BCR: variants seen among roughly 807,000 people sequenced by gnomAD.
BCR encodes breakpoint cluster region protein.
BCR carries 58 observed loss-of-function variants against 138.6 expected under a neutral mutation model. The observed-to-expected ratio is 0.42, with a 90% CI of 0.34 to 0.52. BCR has a LOEUF of 0.52. Ranked by LOEUF, BCR falls within the 20% of genes least tolerant of loss-of-function variation. The pLI is 0.06. For missense variants in BCR, 1,599 were observed against 1,727.2 expected, an observed-to-expected ratio of 0.93 and a Z score of 1.32; for synonymous variants, 786 against 730.1, an observed-to-expected ratio of 1.08 and a Z score of -1.23.
chr22:23,283,516 C>T (rs147007764), intron 8 of BCR: 220 of 165,510 alleles, frequency 1.3e-3, no homozygotes, highest in South Asian at 6.2e-3. Flanking sequence ...GAGATGGTCC[C>T]TCTACAGAAA....
At chr22:23,227,040 C>T (rs978125333) in intron 1 of BCR, among the ~76,000 whole-genome samples, 2 of 152,094 alleles carry the variant, frequency 1.3e-5, no homozygotes, top group African/African-American at 4.8e-5. Context: ...TTGCTGGGAA[C>T]ACAGTTCACC....
In BCR at chr22:23,273,747, G is replaced by A. The variant is rs532000140; in HGVS notation, c.2088G>A (p.Arg696=). 3.7e-6 allele frequency: 6 copies of A among 1,614,124 alleles called. No individual in the cohort carries two copies. The Admixed American group carries it at 1.0e-4, about 27-fold the overall frequency. ...SSINEEITPR[R]QSMTVKKGEH... is the part of the protein sequence containing the mutation. ...TCAATGAGGAGATCACACCCCGACG[G>A]CAGTCCATGACGGTGAAGAAGGGAG... The change falls in exon 8 of 23, where the codon CGG becomes CGA. Residue 696 remains arginine (R), a synonymous_variant. Coordinates refer to ENST00000305877, the MANE Select transcript of BCR (RefSeq NM_004327.4).
At position 23,273,673 on chromosome 22, in the gene BCR, C is replaced by T. The variant is rs780355830; in HGVS notation, c.2014C>T (p.Pro672Ser). 2.5e-6 allele frequency: 4 copies of T among 1,614,106 alleles called. No individual in the cohort carries two copies. Among genetic ancestry groups the T allele is most frequent in the Non-Finnish European group, 3.4e-6 (4 of 1,180,042 alleles). The change falls in exon 8 of 23, where the codon CCC becomes TCC. Residue 672 changes from proline to serine, a missense_variant. Physicochemically the swap from Pro to Ser is moderately conservative, Grantham distance 74. Transcript: ENST00000305877. Reference protein sequence around the residue: ...KHTPASHPDHPLLQDALRISQ... With the variant: ...KHTPASHPDHSLLQDALRISQ... ...CACTCCTGCCAGCCACCCTGACCAC[C>T]CCTTGCTGCAGGACGCCCTCCGCAT...
intron 1 of BCR, among the ~76,000 whole-genome samples, chr22:23,246,546 A>G (rs2073159214): frequency 6.6e-6 from 1 of 152,170 alleles, no homozygotes; most frequent in East Asian, 1.9e-4. Flanking sequence ...TCAATGCCAC[A>G]TCTTAGAAAT....
At position 23,288,152 on chromosome 22, in the gene BCR, T is replaced by A; in HGVS notation, c.2582T>A (p.Ile861Asn). 6.2e-7 allele frequency: 1 copy of A among 1,613,980 alleles called. No homozygotes were observed. Among genetic ancestry groups the A allele is most frequent in the Non-Finnish European group, 8.5e-7 (1 of 1,179,938 alleles). ...DYERAEWREN[I>N]REQQKKCFRS... is the part of the protein sequence containing the mutation. ...GAGCGTGCAGAGTGGAGGGAGAACA[T>A]CCGGGAGCAGCAGAAGAAGTGTGAG... Residue 861 changes from isoleucine (I) to asparagine (N), a missense_variant, in exon 12 of 23, where the codon ATC becomes AAC. Ile to Asn is a moderately radical substitution (Grantham distance 149). This residue lies in a region of BCR where 590 missense variants were observed against 762.4 expected (regional missense o/e 0.77). Coordinates refer to ENST00000305877, the MANE Select transcript of BCR (RefSeq NM_004327.4).
At position 23,200,120 on chromosome 22, in the gene BCR, CAG is replaced by C. The variant is rs151090116; in HGVS notation, c.1279+17882_1279+17883del. Among the ~76,000 whole-genome samples, 530 of 151,484 alleles carry C rather than the reference CAG, an allele frequency of 3.5e-3. 6 individuals are homozygous for C. The highest frequency in any genetic ancestry group is 0.012 in the African/African-American group (505 of 41,210). On this transcript the variant is annotated intron_variant, in intron 1 of 22. Transcript: ENST00000305877. ...AAAAAAAGCAAGACAAGGCATATGA[CAG>C]GGCATGATACTGACGAGACCTTGGA...
chr22:23,271,636 GGCT>G, intron 6 of BCR, 44 bp downstream of exon 6: 2 of 1,589,850 alleles, frequency 1.3e-6, no homozygotes, highest in Non-Finnish European at 1.7e-6. Flanking sequence ...TCGTCAGGGA[GGCT>G]GCTGCTGGCA....
intron 1 of BCR, chr22:23,199,157 C>A: frequency 5.4e-6 from 2 of 368,356 alleles, no homozygotes; most frequent in South Asian, 2.0e-5. Context: ...CTAACAAATG[C>A]AGGTTGTGAT....
intron 4 of BCR, among the ~76,000 whole-genome samples, chr22:23,266,134 G>T (rs1302362486): frequency 6.6e-6 from 1 of 151,910 alleles, no homozygotes; most frequent in African/African-American, 2.4e-5. Context: ...GCCCAATCTG[G>T]AGTACAGTGG....
intron 1 of BCR, among the ~76,000 whole-genome samples, chr22:23,236,374 C>G (rs1333600815): frequency 6.6e-6 from 1 of 152,198 alleles, no homozygotes; most frequent in Non-Finnish European, 1.5e-5. Flanking sequence ...TGCTGTGTTG[C>G]TGACTTATGA....
chr22:23,242,329 GC>G (rs1394737330), intron 1 of BCR, among the ~76,000 whole-genome samples: 1 of 152,144 alleles, frequency 6.6e-6, no homozygotes, highest in South Asian at 2.1e-4. Flanking sequence ...GCCCACTGCA[GC>G]CCCCGATTCC....
intron 2 of BCR, among the ~76,000 whole-genome samples, chr22:23,260,524 G>A (rs1305354273): frequency 2.6e-5 from 4 of 152,172 alleles, no homozygotes; most frequent in Non-Finnish European, 5.9e-5. Context: ...GGTGAGCAGT[G>A]GGGAGTGGAG....
intron 15 of BCR, among the ~76,000 whole-genome samples, chr22:23,294,523 T>TA (rs1176427518): frequency 1.3e-5 from 2 of 152,214 alleles, no homozygotes; most frequent in East Asian, 3.8e-4. Context: ...GCCTCAGCCT[T>TA]ACAAGTAGCT....
chr22:23,282,106 G>A (rs182151405), intron 8 of BCR, among the ~76,000 whole-genome samples: 19 of 152,236 alleles, frequency 1.2e-4, no homozygotes, highest in African/African-American at 4.3e-4. Context: ...CTCCTTGGCC[G>A]GGAGGCCCTT....
Position 23,181,659 on chromosome 22 carries a change from A to G in BCR, c.699A>G (p.Gly233=). Residue 233 remains glycine, a synonymous_variant, in exon 1 of 23, where the codon GGA becomes GGG. Coordinates refer to ENST00000305877, the MANE Select transcript of BCR (RefSeq NM_004327.4). ...ATGCATCCAGGCCCCCTTACCGGGG[A>G]CGCTCCTCGGAGAGCAGCTGCGGCG... The part of the protein sequence containing the change: ...VGDASRPPYR[G]RSSESSCGVD... The G allele has an allele frequency of 6.2e-7, 1 of 1,608,164 alleles. No homozygotes were observed. Among genetic ancestry groups the G allele is most frequent in the Non-Finnish European group, 8.5e-7 (1 of 1,179,830 alleles).
At chr22:23,216,583 C>A (rs993340083) in intron 1 of BCR, among the ~76,000 whole-genome samples, 2 of 152,242 alleles carry the variant, frequency 1.3e-5, no homozygotes, top group Non-Finnish European at 2.9e-5. Context: ...TTGTATCAGT[C>A]ATCTCTTGTT....
intron 4 of BCR, among the ~76,000 whole-genome samples, chr22:23,267,937 G>A (rs2073463714): frequency 1.3e-5 from 2 of 152,222 alleles, no homozygotes; most frequent in South Asian, 4.1e-4. Context: ...CTGCAAAGAC[G>A]GCCGGACTTG....
intron 1 of BCR, among the ~76,000 whole-genome samples, chr22:23,224,314 G>T (rs1320282401): frequency 6.6e-6 from 1 of 152,198 alleles, no homozygotes; most frequent in Non-Finnish European, 1.5e-5. Flanking sequence ...CCAGGTGGTG[G>T]TGATGGCTGC....
At position 23,181,720 on chromosome 22, in the gene BCR, C is replaced by T. The variant is rs376370758; in HGVS notation, c.760C>T (p.Arg254Cys). 45 of 1,603,846 alleles carry T rather than the reference C, an allele frequency of 2.8e-5. No homozygotes were observed. Among genetic ancestry groups the T allele is most frequent in the Non-Finnish European group, 3.7e-5 (44 of 1,179,972 alleles). Reference protein sequence around the residue: ...GDYEDAELNPRFLKDNLIDAN... With the variant: ...GDYEDAELNPCFLKDNLIDAN... ...CTACGAGGACGCCGAGTTGAACCCC[C>T]GCTTCCTGAAGGACAACCTGATCGA... is the stretch of plus-strand genomic sequence containing the variant. The change falls in exon 1 of 23, where the codon CGC (arginine) becomes TGC (cysteine). Residue 254 changes from arginine (R) to cysteine (C), a missense_variant. Arg to Cys is a radical substitution (Grantham distance 180). Coordinates refer to ENST00000305877, the MANE Select transcript of BCR (RefSeq NM_004327.4).
Sources: allele counts gnomAD v4.1 joint callset (sites outside exome capture counted in the v4.1 genomes callset), GRCh38; gene constraint gnomAD v4.1.1; regional missense constraint gnomAD v4.1.1; transcripts MANE v1.5; gene names NCBI Gene and HGNC (gene_info 2026-07-23, HGNC 2026-07-21).